The following CCSER1 variants were observed in gnomAD, a reference collection of about 807,000 sequenced individuals.
The protein encoded by CCSER1 is coiled-coil serine rich protein 1, also known as serine-rich coiled-coil domain-containing protein 1.
A neutral mutation model predicts 82.0 loss-of-function variants in CCSER1; 41 were observed. The observed-to-expected ratio is 0.50, with a 90% confidence interval of 0.39 to 0.65. CCSER1 has a LOEUF of 0.65. Among genes scored for constraint, CCSER1 ranks in the 30% least tolerant of loss-of-function variants. The probability of loss-of-function intolerance (pLI) is 0.00; values close to 1 mark genes in which losing one functional copy is unlikely to be tolerated. For synonymous variants in CCSER1, 414 were observed against 383.9 expected, an observed-to-expected ratio of 1.08 and a Z score of -0.92; for missense variants, 1,119 against 1,064.2, an observed-to-expected ratio of 1.05 and a Z score of -0.72.
At position 91,602,914 on chromosome 4, in the gene CCSER1, C is replaced by T. The variant is rs937316721; in HGVS notation, c.*3857C>T. Among the ~76,000 whole-genome samples the T allele has an allele frequency of 3.3e-5, 5 of 151,996 alleles. No homozygotes were observed. Among genetic ancestry groups the T allele is most frequent in the Non-Finnish European group, 5.9e-5 (4 of 67,940 alleles). On this transcript the variant is annotated 3_prime_UTR_variant, in exon 11 of 11. Transcript: ENST00000509176. ...CTTGACTTTATTTAGGCATTATTAT[C>T]AGATCCTGTTATGTATTTTCATATG...
At chr4:90,219,735 G>T (rs367577740) in intron 1 of CCSER1, among the ~76,000 whole-genome samples, 1 of 152,220 alleles carries the variant, frequency 6.6e-6, no homozygotes, top group South Asian at 2.1e-4. Flanking sequence ...TTGTGAGAAA[G>T]ATTATGATTG....
intron 10 of CCSER1, among the ~76,000 whole-genome samples, chr4:91,238,075 C>T (rs1401526512): frequency 1.3e-5 from 2 of 152,052 alleles, no homozygotes; most frequent in African/African-American, 2.4e-5. Context: ...CCCCAATGAC[C>T]CATTCTTTAT....
chr4:91,176,400 T>C (rs549627123), intron 10 of CCSER1, among the ~76,000 whole-genome samples: 1 of 152,252 alleles, frequency 6.6e-6, no homozygotes, highest in Non-Finnish European at 1.5e-5. Flanking sequence ...ATTTAATCTA[T>C]AAATTACCTT....
At chr4:91,385,204 G>T (rs1751205905) in intron 10 of CCSER1, among the ~76,000 whole-genome samples, 1 of 151,708 alleles carries the variant, frequency 6.6e-6, no homozygotes, top group South Asian at 2.1e-4. Context: ...AATAAACTAT[G>T]GTAAAAACAT....
chr4:91,139,146 C>T (rs1268390333), intron 10 of CCSER1, among the ~76,000 whole-genome samples: 1 of 152,128 alleles, frequency 6.6e-6, no homozygotes, highest in Non-Finnish European at 1.5e-5. Context: ...TGGTTTTCTG[C>T]TCTTGGGTTA....
intron 6 of CCSER1, among the ~76,000 whole-genome samples, chr4:90,702,414 G>C (rs1280131652): frequency 6.6e-6 from 1 of 152,160 alleles, no homozygotes; most frequent in African/African-American, 2.4e-5. Context: ...GTTCATCAGG[G>C]ATATTGGTCT....
At chr4:90,824,710 T>C (rs1459600983) in intron 8 of CCSER1, among the ~76,000 whole-genome samples, 5 of 152,150 alleles carry the variant, frequency 3.3e-5, no homozygotes, top group African/African-American at 1.2e-4. Flanking sequence ...TATTTCATGC[T>C]AGTCATTTTA....
intron 3 of CCSER1, among the ~76,000 whole-genome samples, chr4:90,394,629 C>A (rs903966698): frequency 1.1e-4 from 16 of 151,996 alleles, no homozygotes; most frequent in Non-Finnish European, 4.4e-5. Flanking sequence ...TTTTGATGGC[C>A]TTTATATATT....
At chr4:90,231,284 G>A (rs1744478319) in intron 1 of CCSER1, among the ~76,000 whole-genome samples, 1 of 152,028 alleles carries the variant, frequency 6.6e-6, no homozygotes. Flanking sequence ...ATGATCAAGT[G>A]GGTTCATCCC....
chr4:90,584,643 C>T lies in CCSER1; in HGVS notation c.1725-43382C>T, dbSNP rs527445995. Reference sequence around the variant, plus strand: ...GTTTTGCAGTGATAGAAGACTAATACGCTTCCTATAAATTTAGCCAGGAAA... The same window carrying T: ...GTTTTGCAGTGATAGAAGACTAATATGCTTCCTATAAATTTAGCCAGGAAA... On this transcript the variant is annotated intron_variant, in intron 5 of 10. Coordinates refer to ENST00000509176, the MANE Select transcript of CCSER1 (RefSeq NM_001145065.2). 8.5e-5 allele frequency among the ~76,000 whole-genome samples: 13 copies of T among 152,244 alleles called. No homozygotes were observed. The East Asian group carries it at 1.4e-3, about 16-fold the overall frequency.
At chr4:90,900,777 T>G (rs1211033048) in intron 8 of CCSER1, among the ~76,000 whole-genome samples, 1 of 151,996 alleles carries the variant, frequency 6.6e-6, no homozygotes, top group Non-Finnish European at 1.5e-5. Context: ...CTGCAATTTT[T>G]GGGTTGAGTG....
At chr4:90,271,878 T>A (rs1359078230) in intron 1 of CCSER1, among the ~76,000 whole-genome samples, 34 of 98,694 alleles carry the variant, frequency 3.4e-4, no homozygotes, top group African/African-American at 1.0e-3. Context: ...TTTTTTTTTT[T>A]TTTTTTTTTT....
chr4:90,216,961 A>C (rs943084191), intron 1 of CCSER1, among the ~76,000 whole-genome samples: 3 of 152,116 alleles, frequency 2.0e-5, no homozygotes, highest in Non-Finnish European at 4.4e-5. Flanking sequence ...GATTTCTTTT[A>C]GCAGTGTTTT....
intron 4 of CCSER1, among the ~76,000 whole-genome samples, chr4:90,450,744 G>A (rs577371657): frequency 5.0e-4 from 76 of 152,336 alleles, no homozygotes; most frequent in Admixed American, 1.6e-3. Context: ...ACTAGAGAGA[G>A]AGAAAGGGAA....
At chr4:90,445,498 T>C (rs1255375849) in intron 4 of CCSER1, among the ~76,000 whole-genome samples, 2 of 152,102 alleles carry the variant, frequency 1.3e-5, no homozygotes, top group African/African-American at 4.8e-5. Flanking sequence ...TGTACGTGAC[T>C]GCTTGATATT....
chr4:90,275,408 A>G (rs2153456735), intron 1 of CCSER1, among the ~76,000 whole-genome samples: 1 of 152,314 alleles, frequency 6.6e-6, no homozygotes, highest in South Asian at 2.1e-4. Context: ...TAAAAGGGGC[A>G]TACTGAAGAG....
intron 10 of CCSER1, among the ~76,000 whole-genome samples, chr4:91,543,484 TAA>T (rs1761717434): frequency 1.3e-5 from 2 of 152,196 alleles, no homozygotes; most frequent in African/African-American, 2.4e-5. Flanking sequence ...GGAGCTCTTG[TAA>T]GGCTGGCCTG....
In CCSER1 at chr4:90,694,794, T is replaced by G. The variant is rs1736684866; in HGVS notation, c.1933-29120T>G. ...ACTTTCTCAATGCACGATGTGTGTG[T>G]GGGGTGTGTGTGTGTGTGTGTGTGT... is the stretch of plus-strand genomic sequence containing the variant. On this transcript the variant is annotated intron_variant, in intron 6 of 10. Coordinates refer to ENST00000509176, the MANE Select transcript of CCSER1 (RefSeq NM_001145065.2). Among the ~76,000 whole-genome samples, 4 of 109,762 alleles carry G rather than the reference T, an allele frequency of 3.6e-5. No homozygotes were observed. In the South Asian group the frequency reaches 1.2e-3, roughly 33 times the overall value. The allele number at this position is 109,762 out of a possible 152,430, so 72.0% of individuals were successfully genotyped here. A position where few individuals can be genotyped will look rare whatever the true frequency, so the allele number is the denominator to read the frequency against.
intron 10 of CCSER1, among the ~76,000 whole-genome samples, chr4:91,118,309 G>A (rs1428767720): frequency 1.5e-5 from 2 of 133,684 alleles, no homozygotes; most frequent in African/African-American, 2.8e-5. Context: ...TTTTTGAGAC[G>A]AGGTCTCGTT....
Sources: gnomAD v4.1 joint callset for allele counts (sites outside exome capture counted in the v4.1 genomes callset) on GRCh38, gnomAD v4.1.1 for gene constraint, MANE v1.5 for transcripts, NCBI Gene and HGNC (gene_info 2026-07-23, HGNC 2026-07-21) for gene names.